Variants in SLCO3A1 observed in about 807,000 individuals in gnomAD.
The protein encoded by SLCO3A1 is solute carrier organic anion transporter family member 3A1, also known as PGE1 transporter.
In SLCO3A1, 27 loss-of-function variants were observed where a neutral mutation model predicts 63.1. That is an observed-to-expected ratio of 0.43 (90% CI 0.32 to 0.59). The LOEUF (loss-of-function observed/expected upper bound fraction) is 0.59, where lower values mean the gene tolerates loss of function less well. SLCO3A1 is among the 20% of genes least tolerant of loss of function. The pLI is 0.09. For missense variants in SLCO3A1, 773 were observed against 945.8 expected (o/e 0.82, Z 2.40); for synonymous variants, 473 against 409.9 (o/e 1.15, Z -1.86).
chr15:92,066,563 A>G (rs12903305), intron 2 of SLCO3A1, among the ~76,000 whole-genome samples: 17,440 of 152,246 alleles, frequency 0.11, 1,115 homozygotes, highest in East Asian at 0.27. Context: ...TGGTGAGTTC[A>G]AGTCCATATT....
intron 2 of SLCO3A1, among the ~76,000 whole-genome samples, chr15:92,063,509 A>G (rs2047110922): frequency 6.6e-6 from 1 of 152,222 alleles, no homozygotes; most frequent in Admixed American, 6.5e-5. Flanking sequence ...GTGAAGACTG[A>G]ATGAAATTAG....
chr15:91,922,656 A>G (rs944763612), intron 2 of SLCO3A1, among the ~76,000 whole-genome samples: 4 of 152,192 alleles, frequency 2.6e-5, no homozygotes, highest in Admixed American at 6.5e-5. Context: ...GATCAAATAT[A>G]CTGTGACTGA....
chr15:92,152,087 A>AG (rs2048312901), intron 9 of SLCO3A1, among the ~76,000 whole-genome samples: 1 of 152,168 alleles, frequency 6.6e-6, no homozygotes, highest in Non-Finnish European at 1.5e-5. Flanking sequence ...CTTTTGCAAT[A>AG]TTTTTCCATT....
intron 1 of SLCO3A1, among the ~76,000 whole-genome samples, chr15:91,909,021 A>G (rs1898400715): frequency 6.6e-6 from 1 of 152,236 alleles, no homozygotes; most frequent in Admixed American, 6.5e-5. Context: ...AGGTCGCGCC[A>G]TTGCACTCCA....
chr15:91,854,161 A>G lies in SLCO3A1; in HGVS notation c.180+73A>G. ...TCTCGAGCGGCCGCCTGGCCCGACG[A>G]GGGGGCCGCCCGGCGCTGGGGGCAG... On this transcript the variant is annotated intron_variant, in intron 1 of 9. Transcript: ENST00000318445. This position sits in a 1 kb window ranked among gnomAD's most constrained non-coding sequence, Gnocchi z 6.4. The G allele has an allele frequency of 8.1e-7, 1 of 1,240,034 alleles. No individual in the cohort carries two copies. The highest frequency in any genetic ancestry group is 1.0e-6 in the Non-Finnish European group (1 of 968,764). 76.8% of individuals were successfully genotyped at this position (1,240,034 alleles called of 1,614,324 possible).
In SLCO3A1 at chr15:92,104,421, C is replaced by T. The variant is rs1227004796; in HGVS notation, c.888C>T (p.Ala296=). The change falls in exon 4 of 10, where the codon GCC becomes GCT. Residue 296 remains alanine, a synonymous_variant. Coordinates refer to ENST00000318445, the MANE Select transcript of SLCO3A1 (RefSeq NM_013272.4). ...CCCTGCCCCCGCACTCAGAGCCCGC[C>T]ATGGAAAGCGAGCAGGCCATGCTCT... ...PQSLPPHSEP[A]MESEQAMLSE... The T allele has an allele frequency of 1.7e-5, 28 of 1,614,068 alleles. No individual in the cohort carries two copies. Among genetic ancestry groups the T allele is most frequent in the African/African-American group, 4.0e-5 (3 of 74,918 alleles).
intron 2 of SLCO3A1, among the ~76,000 whole-genome samples, chr15:92,012,730 C>G (rs1175313314): frequency 8.3e-6 from 1 of 119,986 alleles, no homozygotes; most frequent in Non-Finnish European, 1.6e-5. Context: ...TGATGAAATG[C>G]TGTCTCTAAT....
intron 2 of SLCO3A1, among the ~76,000 whole-genome samples, chr15:92,080,901 A>G (rs2047335620): frequency 6.9e-6 from 1 of 144,378 alleles, no homozygotes; most frequent in Non-Finnish European, 1.5e-5. Context: ...TGGGCGGGGG[A>G]AGGTAGGTAT....
intron 4 of SLCO3A1, among the ~76,000 whole-genome samples, chr15:92,116,467 A>G (rs2047796702): frequency 6.6e-6 from 1 of 152,194 alleles, no homozygotes; most frequent in Non-Finnish European, 1.5e-5. Context: ...GAGGCTGCAT[A>G]ATTCAAGCCA....
At chr15:91,991,458 G>C (rs1177272255) in intron 2 of SLCO3A1, among the ~76,000 whole-genome samples, 2 of 152,216 alleles carry the variant, frequency 1.3e-5, no homozygotes, top group East Asian at 1.9e-4. Flanking sequence ...AACTGTGTCT[G>C]TTAGTCCTGT....
chr15:91,976,512 C>A, intron 2 of SLCO3A1, among the ~76,000 whole-genome samples: 1 of 152,174 alleles, frequency 6.6e-6, no homozygotes, highest in Non-Finnish European at 1.5e-5. Flanking sequence ...CAATTGCATT[C>A]TGTACGTGCC....
chr15:91,960,091 C>T (rs1900385746), intron 2 of SLCO3A1, among the ~76,000 whole-genome samples: 1 of 152,114 alleles, frequency 6.6e-6, no homozygotes, highest in Non-Finnish European at 1.5e-5. Context: ...TCAAAAGATT[C>T]TCCTGCCTTA....
Position 91,917,531 on chromosome 15 carries a change from G to A in SLCO3A1, c.646+1073G>A, listed in dbSNP as rs1164670428. On this transcript the variant is annotated intron_variant, in intron 2 of 9. Coordinates refer to ENST00000318445, the MANE Select transcript of SLCO3A1 (RefSeq NM_013272.4). ...GTAGACGCGTTTACTGAACACGGAT[G>A]TTGCACGCGGATGTTCTGGCTGGCT... Among the ~76,000 whole-genome samples, 5 of 152,290 alleles carry A rather than the reference G, an allele frequency of 3.3e-5. No homozygotes were observed. The East Asian group carries it at 9.7e-4, about 29-fold the overall frequency.
chr15:92,005,998 T>C (rs897825514), intron 2 of SLCO3A1, among the ~76,000 whole-genome samples: 3 of 152,130 alleles, frequency 2.0e-5, no homozygotes, highest in East Asian at 1.9e-4. Flanking sequence ...ACGTCTTGTA[T>C]GTGAAAGGAG....
intron 9 of SLCO3A1, among the ~76,000 whole-genome samples, chr15:92,158,938 A>G (rs978456085): frequency 6.6e-6 from 1 of 152,232 alleles, no homozygotes; most frequent in Non-Finnish European, 1.5e-5. Context: ...CACAAAGGTT[A>G]TACTTAAGGT....
At chr15:92,017,394 C>T (rs575089290) in intron 2 of SLCO3A1, among the ~76,000 whole-genome samples, 1 of 152,206 alleles carries the variant, frequency 6.6e-6, no homozygotes, top group South Asian at 2.1e-4. Context: ...AAATTATGTT[C>T]CCTGACAGGG....
chr15:92,164,814 G>C lies in SLCO3A1; in HGVS notation c.*1679G>C. ...AAAACCTCTCGCAACCAGCACACTA[G>C]GCCTTCTACGGCCATTTCTGTAAGG... is the stretch of plus-strand genomic sequence containing the variant. On this transcript the variant is annotated 3_prime_UTR_variant, in exon 10 of 10. Transcript: ENST00000318445. 1 of 985,356 alleles carries C rather than the reference G, an allele frequency of 1.0e-6. No homozygotes were observed. Among genetic ancestry groups the C allele is most frequent in the Non-Finnish European group, 1.2e-6 (1 of 829,930 alleles). The allele number at this position is 985,356 out of a possible 1,614,324, so 61.0% of individuals were successfully genotyped here.
chr15:92,128,276 A>G (rs1182430048), intron 6 of SLCO3A1, 75 bp from the exon 7 acceptor site: 1 of 1,580,476 alleles, frequency 6.3e-7, no homozygotes, highest in African/African-American at 1.4e-5. Context: ...AACAGAGGCA[A>G]AAGGCTGTCA....
At chr15:91,929,250 C>G (rs1323944216) in intron 2 of SLCO3A1, among the ~76,000 whole-genome samples, 2 of 152,190 alleles carry the variant, frequency 1.3e-5, no homozygotes, top group African/African-American at 4.8e-5. Context: ...AAAGGCAGGC[C>G]TCCTTAAGGC....
Sources: allele counts gnomAD v4.1 joint callset (sites outside exome capture counted in the v4.1 genomes callset), GRCh38; gene constraint gnomAD v4.1.1; non-coding constraint Gnocchi (gnomAD v3.1); transcripts MANE v1.5; gene names NCBI Gene and HGNC (gene_info 2026-07-23, HGNC 2026-07-21).